Variants in ORC2 observed in about 807,000 individuals in gnomAD.
The protein encoded by ORC2 is origin recognition complex subunit 2, also known as origin recognition complex protein 2 homolog.
A neutral mutation model predicts 77.7 loss-of-function variants in ORC2; 37 were observed. The observed-to-expected ratio is 0.48, with a 90% CI of 0.37 to 0.63. The LOEUF is 0.63. Among genes scored for constraint, ORC2 ranks in the 20% least tolerant of loss-of-function variants. ORC2 has a pLI of 0.00. For synonymous variants in ORC2, 201 were observed against 229.5 expected, an observed-to-expected ratio of 0.88 and a Z score of 1.12; for missense variants, 557 against 661.9, an observed-to-expected ratio of 0.84 and a Z score of 1.74.
chr2:200,961,500 A>G (rs2041573295), intron 1 of ORC2, among the ~76,000 whole-genome samples: 2 of 152,082 alleles, frequency 1.3e-5, no homozygotes, highest in South Asian at 4.1e-4. Flanking sequence ...AGGTCTAATT[A>G]TTTCTCTACA....
At chr2:200,920,128 A>G (rs575556669) in intron 15 of ORC2, 94 bp downstream of exon 15, 1 of 865,326 alleles carries the variant, frequency 1.2e-6, no homozygotes, top group East Asian at 2.7e-5. Flanking sequence ...TAATCCTTCA[A>G]CTAACTAGGG....
At chr2:200,963,455 A>AGG in intron 1 of ORC2, 35 bp downstream of exon 1, 1 of 398,610 alleles carries the variant, frequency 2.5e-6, no homozygotes, top group Non-Finnish European at 4.4e-6. Flanking sequence ...TAAGCAGAAA[A>AGG]GGGAGGCAGG....
At chr2:200,945,400 T>C (rs2041232722) in intron 5 of ORC2, among the ~76,000 whole-genome samples, 1 of 151,884 alleles carries the variant, frequency 6.6e-6, no homozygotes, top group African/African-American at 2.4e-5. Context: ...TACAAAAGAA[T>C]AGAAAAATTA....
At chr2:200,936,244 A>T (rs943012378) in intron 8 of ORC2, among the ~76,000 whole-genome samples, 15 of 152,124 alleles carry the variant, frequency 9.9e-5, no homozygotes, top group African/African-American at 3.6e-4. Context: ...ATATGGCAAT[A>T]TGCCCCATCC....
At chr2:200,952,404 C>T (rs2041374723) in intron 4 of ORC2, among the ~76,000 whole-genome samples, 1 of 151,920 alleles carries the variant, frequency 6.6e-6, no homozygotes, top group African/African-American at 2.4e-5. Flanking sequence ...GGACTACAGT[C>T]GCCCGCCACC....
chr2:200,909,310 G>A lies in ORC2; in HGVS notation c.*1991C>T, dbSNP rs1211671572. 1 of 152,162 alleles carries A rather than the reference G, an allele frequency of 6.6e-6. No homozygotes were observed. The highest frequency in any genetic ancestry group is 1.5e-5 in the Non-Finnish European group (1 of 68,036). 9.4% of individuals were successfully genotyped at this position (152,162 alleles called of 1,614,324 possible). A position where few individuals can be genotyped will look rare whatever the true frequency, so the allele number is the denominator to read the frequency against. ...ACTGGGTGGATCAGGGAGTGGGCAGGAAACTCACTTTCACTGAATATCCTT... is the reference window on the plus strand; with the variant it reads ...ACTGGGTGGATCAGGGAGTGGGCAGAAAACTCACTTTCACTGAATATCCTT... On this transcript the variant is annotated 3_prime_UTR_variant, in exon 18 of 18. Transcript: ENST00000234296.
chr2:200,918,574 C>T (rs1018104239), intron 15 of ORC2, among the ~76,000 whole-genome samples: 3 of 151,314 alleles, frequency 2.0e-5, no homozygotes, highest in East Asian at 3.9e-4. Context: ...CTGCAACCTC[C>T]GCCTCCTGGG....
At position 200,949,621 on chromosome 2, in the gene ORC2, A is replaced by G. The variant is rs1441613033; in HGVS notation, c.261T>C (p.Ala87=). The stretch of plus-strand genomic sequence containing the variant: ...AATAAACTTTATTTCCACCACCTGT[A>G]GCAGAGCCATTTTTCAATGATTCTG... ...DVQESLKNGS[A]TGGGNKVYSF... The change falls in exon 5 of 18, where the codon GCT becomes GCC. Residue 87 remains alanine (A), a synonymous_variant. Transcript: ENST00000234296. 1 of 1,598,278 alleles carries G rather than the reference A, an allele frequency of 6.3e-7. No homozygotes were observed. Among genetic ancestry groups the G allele is most frequent in the South Asian group, 1.1e-5 (1 of 89,218 alleles).
chr2:200,954,529 T>C (rs2041428843), intron 4 of ORC2, among the ~76,000 whole-genome samples: 1 of 152,178 alleles, frequency 6.6e-6, no homozygotes, highest in Admixed American at 6.5e-5. Flanking sequence ...TGTGTGCCCA[T>C]GCATGTATGA....
At position 200,934,303 on chromosome 2, in the gene ORC2, A is replaced by C. The variant is rs151116019; in HGVS notation, c.709-329T>G. Among the ~76,000 whole-genome samples the C allele has an allele frequency of 8.2e-4, 124 of 151,962 alleles. 1 individual carries two copies. The highest frequency in any genetic ancestry group is 2.7e-3 in the African/African-American group (113 of 41,416). On this transcript the variant is annotated intron_variant, in intron 9 of 17. Coordinates refer to ENST00000234296, the MANE Select transcript of ORC2 (RefSeq NM_006190.5). ...ATATCAAGATCTTTGTTTCTCCTCAAGTAAGTCTTTTTTTTTTCCTTTCTT... is the reference window on the plus strand; with the variant it reads ...ATATCAAGATCTTTGTTTCTCCTCACGTAAGTCTTTTTTTTTTCCTTTCTT...
intron 15 of ORC2, among the ~76,000 whole-genome samples, chr2:200,915,399 C>T (rs1047830420): frequency 2.6e-4 from 40 of 151,910 alleles, no homozygotes; most frequent in Admixed American, 2.4e-3. Flanking sequence ...TTACCATTTC[C>T]CTATTGGTTT....
intron 3 of ORC2, 133 bp from the exon 4 acceptor site, chr2:200,957,677 ACTGACCACT>A (rs1281481104): frequency 1.7e-5 from 10 of 599,072 alleles, no homozygotes; most frequent in Admixed American, 7.5e-5. Context: ...TTTGATTAAA[ACTGACCACT>A]CTGACCACTC....
intron 11 of ORC2, among the ~76,000 whole-genome samples, chr2:200,927,776 C>A (rs1357410675): frequency 2.6e-5 from 4 of 151,318 alleles, no homozygotes; most frequent in African/African-American, 9.7e-5. Context: ...TAGCTCACTG[C>A]AACCTCCGCC....
At chr2:200,947,153 C>T (rs1347397286) in intron 5 of ORC2, among the ~76,000 whole-genome samples, 1 of 152,006 alleles carries the variant, frequency 6.6e-6, no homozygotes, top group Non-Finnish European at 1.5e-5. Flanking sequence ...CCACCTACCT[C>T]GGCCTCCCAA....
intron 11 of ORC2, 123 bp from the exon 12 acceptor site, chr2:200,927,023 T>A: frequency 1.0e-6 from 1 of 1,003,074 alleles, no homozygotes; most frequent in Non-Finnish European, 1.5e-6. Flanking sequence ...GCGCACTGGC[T>A]CAAGCCTGTA....
At chr2:200,933,854 AG>A (rs765406089) in intron 10 of ORC2, 21 bp downstream of exon 10, 4 of 1,420,698 alleles carry the variant, frequency 2.8e-6, no homozygotes, top group Admixed American at 4.0e-5. Flanking sequence ...AAAATTTAGA[AG>A]TAACATTCCT....
chr2:200,916,160 A>G (rs1046522214), intron 15 of ORC2, among the ~76,000 whole-genome samples: 1 of 152,206 alleles, frequency 6.6e-6, no homozygotes, highest in Non-Finnish European at 1.5e-5. Flanking sequence ...AGGCTAGCAC[A>G]CAGACATTTA....
intron 4 of ORC2, among the ~76,000 whole-genome samples, chr2:200,952,103 C>T (rs888840313): frequency 1.2e-4 from 19 of 152,024 alleles, no homozygotes; most frequent in African/African-American, 4.6e-4. Context: ...ACCAGTTCAT[C>T]ACTAGCCCAG....
At chr2:200,935,961 A>G in intron 8 of ORC2, 69 bp from the exon 9 acceptor site, 1 of 1,320,846 alleles carries the variant, frequency 7.6e-7, no homozygotes, top group Non-Finnish European at 1.1e-6. Context: ...GGGGTAAAGC[A>G]AAGAGTGGGG....
Sources: gnomAD v4.1 joint callset for allele counts (sites outside exome capture counted in the v4.1 genomes callset) on GRCh38, gnomAD v4.1.1 for gene constraint, MANE v1.5 for transcripts, NCBI Gene and HGNC (gene_info 2026-07-23, HGNC 2026-07-21) for gene names.